Variants in ADAM18 observed in about 807,000 individuals in gnomAD.
ADAM18 encodes the protein disintegrin and metalloproteinase domain-containing protein 18.
In ADAM18, 117 loss-of-function variants were observed where a neutral mutation model predicts 94.4. The ratio of observed to expected loss-of-function variants is 1.24; its 90% CI spans 1.07 to 1.45. The LOEUF is 1.45. ADAM18 is among the 40% of genes most tolerant of loss of function. ADAM18 has a pLI of 0.00. For missense variants in ADAM18, 936 were observed against 880.0 expected (o/e 1.06, Z -0.81); for synonymous variants, 327 against 291.6 (o/e 1.12, Z -1.24).
At chr8:39,611,518 GTAGT>G in intron 6 of ADAM18, 1 of 985,024 alleles carries the variant, frequency 1.0e-6, no homozygotes, top group Non-Finnish European at 1.2e-6. Context: ...TCTCGATTTT[GTAGT>G]TCATTATTGC....
chr8:39,646,872 A>C (rs1020491274), intron 11 of ADAM18, among the ~76,000 whole-genome samples: 2 of 152,200 alleles, frequency 1.3e-5, no homozygotes, highest in Non-Finnish European at 2.9e-5. Flanking sequence ...AGTGCTGTAT[A>C]GAAAAATATT....
intron 14 of ADAM18, among the ~76,000 whole-genome samples, chr8:39,676,604 CA>C (rs60868680): frequency 1 from 152,098 of 152,252 alleles, 75,972 homozygotes; most frequent in Admixed American, 1. Context: ...TCTTCTTGGG[CA>C]GGGGCAACGC....
chr8:39,623,617 G>A (rs144899385), intron 6 of ADAM18, among the ~76,000 whole-genome samples: 97 of 151,802 alleles, frequency 6.4e-4, no homozygotes, highest in African/African-American at 1.4e-3. Flanking sequence ...TTTGTTTTGA[G>A]ACGGAGTCTC....
At chr8:39,665,290 A>G (rs949600830) in intron 13 of ADAM18, among the ~76,000 whole-genome samples, 1 of 152,202 alleles carries the variant, frequency 6.6e-6, no homozygotes, top group Non-Finnish European at 1.5e-5. Context: ...GTGACTGCAT[A>G]TTAGTAGTAT....
chr8:39,605,266 C>T (rs1435286558), intron 2 of ADAM18, among the ~76,000 whole-genome samples: 2 of 152,170 alleles, frequency 1.3e-5, no homozygotes, highest in Non-Finnish European at 1.5e-5. Context: ...CCTCTGTCTG[C>T]ATCTGTAGAC....
intron 2 of ADAM18, among the ~76,000 whole-genome samples, chr8:39,587,854 T>C (rs1818452799): frequency 6.6e-6 from 1 of 152,238 alleles, no homozygotes; most frequent in Non-Finnish European, 1.5e-5. Context: ...TTCATTCACG[T>C]CTCAAATAGG....
At chr8:39,697,348 C>T (rs1821953802) in intron 17 of ADAM18, among the ~76,000 whole-genome samples, 1 of 151,266 alleles carries the variant, frequency 6.6e-6, no homozygotes, top group South Asian at 2.1e-4. Flanking sequence ...ATTTGGTTGC[C>T]TTTTTATTTC....
chr8:39,718,150 C>A (rs191925351), intron 18 of ADAM18, among the ~76,000 whole-genome samples: 1 of 151,438 alleles, frequency 6.6e-6, no homozygotes, highest in Non-Finnish European at 1.5e-5. Flanking sequence ...TTATGAAAAA[C>A]AGTATGGAGG....
intron 15 of ADAM18, 129 bp from the exon 16 acceptor site, chr8:39,679,908 G>A (rs377432687): frequency 1.2e-6 from 1 of 808,814 alleles, no homozygotes. Flanking sequence ...ATAAAATAAT[G>A]TTTCAGTTTG....
intron 18 of ADAM18, among the ~76,000 whole-genome samples, chr8:39,719,409 G>A (rs558250195): frequency 5.3e-5 from 8 of 151,326 alleles, no homozygotes; most frequent in Middle Eastern, 3.4e-3. Context: ...GACTTTGAGC[G>A]CAGATTTTGT....
intron 3 of ADAM18, among the ~76,000 whole-genome samples, chr8:39,607,027 C>A (rs1819107826): frequency 6.6e-6 from 1 of 152,154 alleles, no homozygotes; most frequent in Non-Finnish European, 1.5e-5. Context: ...CGACAAGTTA[C>A]ACATCAAGTG....
chr8:39,720,157 A>G (rs1392058009), intron 18 of ADAM18, among the ~76,000 whole-genome samples: 1 of 151,558 alleles, frequency 6.6e-6, no homozygotes, highest in African/African-American at 2.4e-5. Context: ...ATATACACCA[A>G]TATGGATGAA....
chr8:39,641,774 C>A (rs1820244727), intron 10 of ADAM18, among the ~76,000 whole-genome samples: 1 of 151,928 alleles, frequency 6.6e-6, no homozygotes, highest in East Asian at 1.9e-4. Flanking sequence ...GGGTATATAC[C>A]CAGTAATGAA....
At chr8:39,594,793 G>GTTTTTTTTTTTTTTTTTTTTTTTGTTAT (rs1818688796) in intron 2 of ADAM18, among the ~76,000 whole-genome samples, 1 of 46,848 alleles carries the variant, frequency 2.1e-5, no homozygotes, top group Non-Finnish European at 4.0e-5. Flanking sequence ...TTTGCTGTGA[G>GTTTTTTTTTTTTTTTTTTTTTTTGTTAT]TTTTTTTTTT....
chr8:39,708,008 C>T (rs531416039), intron 18 of ADAM18, among the ~76,000 whole-genome samples: 5 of 152,238 alleles, frequency 3.3e-5, no homozygotes, highest in Admixed American at 2.6e-4. Flanking sequence ...GGCAAAGTGA[C>T]TAATGGACAG....
chr8:39,672,929 G>T (rs1185675830), intron 14 of ADAM18, among the ~76,000 whole-genome samples: 1 of 152,144 alleles, frequency 6.6e-6, no homozygotes, highest in Non-Finnish European at 1.5e-5. Flanking sequence ...TTTACAGTGG[G>T]TCTGCTAGTT....
At chr8:39,703,676 GAGTTTTTAACTTGA>G (rs1255354059) in intron 17 of ADAM18, among the ~76,000 whole-genome samples, 1 of 151,974 alleles carries the variant, frequency 6.6e-6, no homozygotes. Context: ...AGTTTATTGA[GAGTTTTTAACTTGA>G]AGGGATGTTG....
chr8:39,674,532 G>A (rs1821245792), intron 14 of ADAM18, among the ~76,000 whole-genome samples: 1 of 152,088 alleles, frequency 6.6e-6, no homozygotes, highest in African/African-American at 2.4e-5. Flanking sequence ...TGTGAGATGA[G>A]TCTCCTGAAT....
intron 18 of ADAM18, among the ~76,000 whole-genome samples, chr8:39,709,964 T>A (rs1221901352): frequency 6.6e-6 from 1 of 152,208 alleles, no homozygotes. Flanking sequence ...AGAGGTTTAG[T>A]TATCTGTGGG....
Sources: allele counts gnomAD v4.1 joint callset (sites outside exome capture counted in the v4.1 genomes callset), GRCh38; gene constraint gnomAD v4.1.1; transcripts MANE v1.5; gene names NCBI Gene and HGNC (gene_info 2026-07-23, HGNC 2026-07-21).